NAF1: variants seen among roughly 807,000 people sequenced by gnomAD.
NAF1 encodes H/ACA ribonucleoprotein complex non-core subunit NAF1.
A neutral mutation model predicts 40.6 loss-of-function variants in NAF1; 11 were observed. That is an observed-to-expected ratio of 0.27 (90% CI 0.17 to 0.45). The LOEUF (loss-of-function observed/expected upper bound fraction) is 0.45. Ranked by LOEUF, NAF1 falls within the 20% of genes least tolerant of loss-of-function variation. NAF1 has a pLI of 1.00. For missense variants in NAF1, 607 were observed against 611.1 expected (o/e 0.99, Z 0.07); for synonymous variants, 260 against 228.5 (o/e 1.14, Z -1.24).
At chr4:163,130,072 C>T (rs548740194) in intron 7 of NAF1, among the ~76,000 whole-genome samples, 28 of 152,292 alleles carry the variant, frequency 1.8e-4, no homozygotes, top group African/African-American at 6.5e-4. Context: ...CTACCCTGTT[C>T]CTTTCGCTGC....
downstream of NAF1, among the ~76,000 whole-genome samples, chr4:163,127,725 G>A (rs141935239): frequency 9.2e-5 from 14 of 152,316 alleles, no homozygotes; most frequent in African/African-American, 3.4e-4. Context: ...TACTAGGAAT[G>A]CTGCAAAGAG....
intron 1 of NAF1, among the ~76,000 whole-genome samples, chr4:163,165,519 C>A (rs796596610): frequency 3.3e-5 from 5 of 152,298 alleles, no homozygotes; most frequent in African/African-American, 1.2e-4. Flanking sequence ...ACAGTTGTTA[C>A]TTCCCCCTCC....
chr4:163,149,763 G>A lies in NAF1; in HGVS notation c.541-1329C>T, dbSNP rs867874527. ...TCATGTGTGTATCAGAATGCAGAAGGGAGTTTAGTTGTTAGAACAAACTGT... is the reference window on the plus strand; with the variant it reads ...TCATGTGTGTATCAGAATGCAGAAGAGAGTTTAGTTGTTAGAACAAACTGT... On this transcript the variant is annotated intron_variant, in intron 2 of 7. Transcript: ENST00000274054. 5.3e-5 allele frequency among the ~76,000 whole-genome samples: 8 copies of A among 152,080 alleles called. No individual in the cohort carries two copies. The South Asian group carries it at 8.3e-4, about 16-fold the overall frequency.
intron 7 of NAF1, among the ~76,000 whole-genome samples, chr4:163,130,635 C>T (rs761186109): frequency 3.7e-4 from 57 of 152,284 alleles, no homozygotes; most frequent in Non-Finnish European, 7.2e-4. Context: ...AATAGACCCA[C>T]ATAAACATAA....
intron 2 of NAF1, among the ~76,000 whole-genome samples, chr4:163,118,612 G>T (rs1730422083): frequency 6.6e-6 from 1 of 152,164 alleles, no homozygotes; most frequent in Non-Finnish European, 1.5e-5. Flanking sequence ...AATTAGCCGG[G>T]CGTGGTGGCA....
chr4:163,158,671 T>C (rs1187540718), intron 2 of NAF1, among the ~76,000 whole-genome samples: 1 of 152,084 alleles, frequency 6.6e-6, no homozygotes, highest in Admixed American at 6.6e-5. Context: ...TTTCAAAATT[T>C]AATTTGCTTA....
intron 2 of NAF1, among the ~76,000 whole-genome samples, chr4:163,154,125 C>T (rs890355916): frequency 3.9e-5 from 6 of 152,106 alleles, no homozygotes; most frequent in African/African-American, 1.4e-4. Context: ...AAACTCCAGA[C>T]GCACCACCTT....
At chr4:163,148,509 T>G in intron 2 of NAF1, 75 bp from the exon 3 acceptor site, 20 of 988,010 alleles carry the variant, frequency 2.0e-5, no homozygotes, top group Non-Finnish European at 3.1e-5. Context: ...TTTTCCATTT[T>G]AAGTGCTACA....
At chr4:163,159,461 A>G (rs1304768069) in intron 2 of NAF1, among the ~76,000 whole-genome samples, 4 of 152,162 alleles carry the variant, frequency 2.6e-5, no homozygotes, top group Non-Finnish European at 5.9e-5. Context: ...ATTCAGGACA[A>G]AATTTATAAA....
At chr4:163,158,342 T>C (rs1374767972) in intron 2 of NAF1, 1 of 152,060 alleles carries the variant, frequency 6.6e-6, no homozygotes, top group Admixed American at 6.5e-5. Flanking sequence ...TAAAACATAT[T>C]GGAAAAAGAA....
intron 6 of NAF1, 171 bp from the exon 7 acceptor site, chr4:163,133,427 A>G: frequency 3.7e-6 from 2 of 546,706 alleles, no homozygotes; most frequent in Non-Finnish European, 6.4e-6. Flanking sequence ...ATAAAAATAA[A>G]GCATTTTTTG....
intron 2 of NAF1, among the ~76,000 whole-genome samples, chr4:163,152,866 C>A (rs924085366): frequency 2.0e-5 from 3 of 152,182 alleles, no homozygotes; most frequent in Admixed American, 2.0e-4. Flanking sequence ...GAGCGGGAAC[C>A]GGGGCTGCGC....
intron 4 of NAF1, among the ~76,000 whole-genome samples, chr4:163,145,213 T>C (rs1731414722): frequency 6.6e-6 from 1 of 152,174 alleles, no homozygotes; most frequent in Non-Finnish European, 1.5e-5. Flanking sequence ...GTTGTTCCAT[T>C]AGAAAGATGT....
intron 2 of NAF1, among the ~76,000 whole-genome samples, chr4:163,110,617 T>C (rs1207179922): frequency 6.6e-6 from 1 of 152,196 alleles, no homozygotes; most frequent in African/African-American, 2.4e-5. Flanking sequence ...CTTACTGATC[T>C]GGAAATCTAA....
chr4:163,106,019 A>G (rs1031304815), downstream of NAF1, among the ~76,000 whole-genome samples: 1 of 152,174 alleles, frequency 6.6e-6, no homozygotes, highest in Non-Finnish European at 1.5e-5. Context: ...ATATTCTTTA[A>G]TATTAGTCTA....
chr4:163,153,243 G>A (rs1181954060), intron 2 of NAF1, among the ~76,000 whole-genome samples: 2 of 152,230 alleles, frequency 1.3e-5, no homozygotes, highest in Non-Finnish European at 2.9e-5. Flanking sequence ...CGCATGGCGT[G>A]GGACTGGCAG....
intron 2 of NAF1, among the ~76,000 whole-genome samples, chr4:163,155,947 A>T (rs1731968868): frequency 7.0e-6 from 1 of 142,446 alleles, no homozygotes; most frequent in Admixed American, 7.1e-5. Flanking sequence ...TAGAGGTGAT[A>T]GGAAAGGCCT....
intron 3 of NAF1, among the ~76,000 whole-genome samples, chr4:163,147,676 A>T (rs1242195086): frequency 6.6e-6 from 1 of 152,216 alleles, no homozygotes; most frequent in Non-Finnish European, 1.5e-5. Flanking sequence ...CTGTAAATAC[A>T]TTACATTTTT....
intron 6 of NAF1, chr4:163,135,038 TAC>T (rs552586128): frequency 6.9e-4 from 105 of 152,340 alleles, no homozygotes; most frequent in African/African-American, 2.2e-3. Context: ...ATTCATTAAA[TAC>T]ATTTATTCAA....
Sources: allele counts gnomAD v4.1 joint callset (sites outside exome capture counted in the v4.1 genomes callset), GRCh38; gene constraint gnomAD v4.1.1; transcripts MANE v1.5; gene names NCBI Gene and HGNC (gene_info 2026-07-23, HGNC 2026-07-21).